Variants in RBL1 observed in about 807,000 individuals in gnomAD.
RBL1 encodes retinoblastoma-like protein 1.
In RBL1, 82 loss-of-function variants were observed where a neutral mutation model predicts 123.0. The ratio of observed to expected loss-of-function variants is 0.67; its 90% CI spans 0.56 to 0.80. RBL1 has a LOEUF of 0.80. Among genes scored for constraint, RBL1 ranks in the 30% least tolerant of loss-of-function variants. RBL1 has a pLI of 0.00. For missense variants in RBL1, 1,171 were observed against 1,299.6 expected (o/e 0.90, Z 1.52); for synonymous variants, 405 against 441.3 (o/e 0.92, Z 1.03).
intron 16 of RBL1, among the ~76,000 whole-genome samples, chr20:37,031,741 A>AT (rs35730967): frequency 3.7e-4 from 56 of 151,142 alleles, no homozygotes; most frequent in African/African-American, 1.3e-3. Context: ...ATTTGTTGCT[A>AT]TTTTTTTTTC....
intron 21 of RBL1, among the ~76,000 whole-genome samples, chr20:37,000,295 G>A (rs1407011277): frequency 6.7e-6 from 1 of 150,010 alleles, no homozygotes; most frequent in African/African-American, 2.5e-5. Context: ...TCTTCGCCTG[G>A]CAGCCACCCC....
intron 20 of RBL1, among the ~76,000 whole-genome samples, chr20:37,004,975 A>T (rs1568813282): frequency 6.6e-6 from 1 of 151,762 alleles, no homozygotes; most frequent in Non-Finnish European, 1.5e-5. Context: ...CCGGGGACAG[A>T]GGCTGCAGTG....
rs1160303854 is a variant in RBL1, at chr20:37,018,382, G to C, written c.2632-13C>G. On this transcript the variant is annotated splice_polypyrimidine_tract_variant and intron_variant, in intron 18 of 21. Transcript: ENST00000373664. Reference sequence around the variant, plus strand: ...CACTTCTATATACCTACATGCCAGAGGGGAAGAAAAGGACAGCTCAGTCAC... The same window carrying C: ...CACTTCTATATACCTACATGCCAGACGGGAAGAAAAGGACAGCTCAGTCAC... 1.9e-6 allele frequency: 3 copies of C among 1,593,872 alleles called. No individual in the cohort carries two copies. The South Asian group carries it at 3.5e-5, about 18-fold the overall frequency.
intron 20 of RBL1, among the ~76,000 whole-genome samples, chr20:37,004,541 C>T (rs1341981520): frequency 3.4e-5 from 5 of 149,000 alleles, no homozygotes; most frequent in Non-Finnish European, 7.5e-5. Context: ...GGTGAAACTC[C>T]GTCTCCACTA....
intron 16 of RBL1, among the ~76,000 whole-genome samples, chr20:37,026,120 C>A: frequency 6.6e-6 from 1 of 152,138 alleles, no homozygotes; most frequent in East Asian, 1.9e-4. Flanking sequence ...AAGATAAATT[C>A]TCTTGTTTAA....
chr20:37,069,503 T>G (rs1482466149), intron 2 of RBL1, among the ~76,000 whole-genome samples: 1 of 145,350 alleles, frequency 6.9e-6, no homozygotes, highest in Non-Finnish European at 1.5e-5. Flanking sequence ...CCGTCTGGGA[T>G]GTGAGGAGCA....
At position 36,997,758 on chromosome 20, in the gene RBL1, T is replaced by C. The variant is rs1215642434; in HGVS notation, c.*1001A>G. ...ATACGATCATATATAATTAAGTTAA[T>C]GTCACAGAAACCAAAATGATAATAG... On this transcript the variant is annotated 3_prime_UTR_variant, in exon 22 of 22. Coordinates refer to ENST00000373664, the MANE Select transcript of RBL1 (RefSeq NM_002895.5). 2 of 152,194 alleles carry C rather than the reference T, an allele frequency of 1.3e-5. No individual in the cohort carries two copies. The highest frequency in any genetic ancestry group is 2.9e-5 in the Non-Finnish European group (2 of 68,042). The allele number at this position is 152,194 out of a possible 1,614,324, so 9.4% of individuals were successfully genotyped here.
intron 19 of RBL1, among the ~76,000 whole-genome samples, chr20:37,014,059 G>C (rs1235484075): frequency 1.3e-5 from 2 of 150,358 alleles, no homozygotes; most frequent in African/African-American, 4.9e-5. Flanking sequence ...TTGTCTGACT[G>C]TATATCCTCC....
At position 37,083,685 on chromosome 20, in the gene RBL1, GC is replaced by G. The variant is rs1193351193; in HGVS notation, c.290+5303del. ...GTGGGTGTGGTGGCATGCACCTGTA[GC>G]CCCAGCTACTGGGGAGGCTGAGGCA... On this transcript the variant is annotated intron_variant, in intron 2 of 21. Coordinates refer to ENST00000373664, the MANE Select transcript of RBL1 (RefSeq NM_002895.5). Among the ~76,000 whole-genome samples the G allele has an allele frequency of 9.2e-5, 13 of 141,256 alleles. No homozygotes were observed. In the Admixed American group the frequency reaches 9.3e-4, roughly 10 times the overall value. The allele number at this position is 141,256 out of a possible 152,430, so 92.7% of individuals were successfully genotyped here.
At position 37,035,647 on chromosome 20, in the gene RBL1, A is replaced by ATATG. The variant is rs1312617726; in HGVS notation, c.1904-143_1904-140dup. On this transcript the variant is annotated intron_variant, in intron 14 of 21. Coordinates refer to ENST00000373664, the MANE Select transcript of RBL1 (RefSeq NM_002895.5). The stretch of plus-strand genomic sequence containing the variant: ...ATAACATGGCCTTTGCCCTCATGGA[A>ATATG]TATGTAGTCTACTGGGAGAAAGAGG... The ATATG allele has an allele frequency of 9.9e-6, 7 of 704,326 alleles. No individual in the cohort carries two copies. The South Asian group carries it at 1.0e-4, about 10-fold the overall frequency. The allele number at this position is 704,326 out of a possible 1,614,324, so 43.6% of individuals were successfully genotyped here.
At chr20:37,091,177 C>T (rs960942086) in intron 1 of RBL1, among the ~76,000 whole-genome samples, 3 of 151,608 alleles carry the variant, frequency 2.0e-5, no homozygotes, top group Admixed American at 1.3e-4. Flanking sequence ...GCCAATGTGG[C>T]GAAACCCCGT....
intron 20 of RBL1, among the ~76,000 whole-genome samples, chr20:37,005,774 C>T (rs2064059983): frequency 1.3e-5 from 2 of 151,616 alleles, no homozygotes; most frequent in African/African-American, 4.8e-5. Context: ...AGTCATAGAC[C>T]ATATTCCATG....
intron 19 of RBL1, among the ~76,000 whole-genome samples, chr20:37,009,509 T>C (rs1233205505): frequency 6.6e-6 from 1 of 152,092 alleles, no homozygotes; most frequent in Non-Finnish European, 1.5e-5. Context: ...AGGTGCACGC[T>C]GCCACACCGA....
intron 20 of RBL1, among the ~76,000 whole-genome samples, chr20:37,005,882 T>C (rs943612815): frequency 7.5e-6 from 1 of 133,736 alleles, no homozygotes; most frequent in East Asian, 2.1e-4. Flanking sequence ...CTTTTCTTTT[T>C]TTTTTTTCTT....
At chr20:37,005,003 T>C (rs1443351242) in intron 20 of RBL1, among the ~76,000 whole-genome samples, 4 of 151,942 alleles carry the variant, frequency 2.6e-5, no homozygotes, top group Non-Finnish European at 4.4e-5. Context: ...ATTATGTCAC[T>C]GCACTCCTCC....
intron 16 of RBL1, among the ~76,000 whole-genome samples, chr20:37,028,224 G>A (rs1451328773): frequency 1.3e-5 from 2 of 152,146 alleles, no homozygotes; most frequent in African/African-American, 4.8e-5. Context: ...AATTAGCCAG[G>A]TGTGGTGGTG....
Position 37,022,726 on chromosome 20 carries a change from A to G in RBL1, c.2483T>C (p.Leu828Ser). The G allele has an allele frequency of 6.2e-6, 10 of 1,614,170 alleles. No individual in the cohort carries two copies. The highest frequency in any genetic ancestry group is 8.5e-6 in the Non-Finnish European group (10 of 1,179,958). ...TTTCATTAGATCAGGACAGTGAACT[A>G]AAGTGAATTCAAAACACGTCCATAT... is the stretch of plus-strand genomic sequence containing the variant. The part of the protein sequence containing the change: ...RKIWTCFEFT[L>S]VHCPDLMKDR... Residue 828 changes from leucine to serine, a missense_variant, in exon 17 of 22, where the codon TTA becomes TCA. By Grantham distance (145) the Leu-to-Ser change is moderately radical. Coordinates refer to ENST00000373664, the MANE Select transcript of RBL1 (RefSeq NM_002895.5).
At chr20:37,057,471 AT>A (rs35989419) in intron 9 of RBL1, among the ~76,000 whole-genome samples, 21,058 of 152,072 alleles carry the variant, frequency 0.14, 2,177 homozygotes, top group East Asian at 0.48. Context: ...GATATCAAAT[AT>A]TTTTTCATAT....
At chr20:37,029,304 T>C (rs190749406) in intron 16 of RBL1, among the ~76,000 whole-genome samples, 1 of 152,318 alleles carries the variant, frequency 6.6e-6, no homozygotes, top group East Asian at 1.9e-4. Flanking sequence ...AAGTCCTGCA[T>C]TTGGCCCTGT....
Sources: gnomAD v4.1 joint callset for allele counts (sites outside exome capture counted in the v4.1 genomes callset) on GRCh38, gnomAD v4.1.1 for gene constraint, MANE v1.5 for transcripts, NCBI Gene and HGNC (gene_info 2026-07-23, HGNC 2026-07-21) for gene names.